Variants in ENTREP2 observed in about 807,000 individuals in gnomAD.
ENTREP2 encodes the protein protein ENTREP2.
chr15:29,593,149 G>C, the ENTREP2 span, among the ~76,000 whole-genome samples: 9 of 152,100 alleles, frequency 5.9e-5, no homozygotes, highest in Non-Finnish European at 1.5e-5. Context: ...CACTGCTCTA[G>C]AACTTTCCTT....
At chr15:29,528,526 C>A in the ENTREP2 span, among the ~76,000 whole-genome samples, 1 of 152,152 alleles carries the variant, frequency 6.6e-6, no homozygotes, top group South Asian at 2.1e-4. Context: ...GCCTTGTGCC[C>A]ACTTGAAAGA....
At chr15:29,547,996 T>C in the ENTREP2 span, among the ~76,000 whole-genome samples, 2 of 152,214 alleles carry the variant, frequency 1.3e-5, no homozygotes, top group African/African-American at 4.8e-5. Context: ...TACTGTATGA[T>C]TCCACTTCTA....
the ENTREP2 span, among the ~76,000 whole-genome samples, chr15:29,277,470 G>C: frequency 6.6e-6 from 1 of 152,194 alleles, no homozygotes; most frequent in Non-Finnish European, 1.5e-5. Context: ...CTAGGGACCA[G>C]TTTTGGGGAA....
At chr15:29,205,800 C>T in the ENTREP2 span, among the ~76,000 whole-genome samples, 4 of 152,324 alleles carry the variant, frequency 2.6e-5, no homozygotes, top group African/African-American at 9.6e-5. Flanking sequence ...GAACAGAAGT[C>T]AATTCAACTT....
the ENTREP2 span, among the ~76,000 whole-genome samples, chr15:29,517,163 G>C: frequency 1.3e-5 from 2 of 152,032 alleles, no homozygotes; most frequent in African/African-American, 2.4e-5. Flanking sequence ...GGGGAGCAGC[G>C]GAGAGCAAAT....
chr15:29,254,658 A>G, the ENTREP2 span, among the ~76,000 whole-genome samples: 10 of 152,278 alleles, frequency 6.6e-5, no homozygotes, highest in African/African-American at 1.9e-4. Flanking sequence ...GGAGTTCGAG[A>G]CCAGCCTGAC....
At chr15:29,137,054 T>A in the ENTREP2 span, 1 of 1,445,814 alleles carries the variant, frequency 6.9e-7, no homozygotes, top group Non-Finnish European at 9.0e-7. Context: ...CAGTGGACGG[T>A]GTGCAGGTGT....
chr15:29,429,218 CATCCATCCATCCATCT>C, the ENTREP2 span, among the ~76,000 whole-genome samples: 1 of 148,852 alleles, frequency 6.7e-6, no homozygotes, highest in Non-Finnish European at 1.5e-5. Context: ...TCCATCCATC[CATCCATCCATCCATCT>C]ATCTTGAGAT....
At chr15:29,649,143 G>A in the ENTREP2 span, among the ~76,000 whole-genome samples, 4 of 151,498 alleles carry the variant, frequency 2.6e-5, no homozygotes, top group Non-Finnish European at 5.9e-5. Context: ...TGGGACTGAA[G>A]GAATAGCTGA....
the ENTREP2 span, chr15:29,118,065 G>C: frequency 6.6e-6 from 1 of 152,616 alleles, no homozygotes; most frequent in Non-Finnish European, 1.5e-5. Flanking sequence ...AGCAGTAGTG[G>C]CATGTGTGTA....
chr15:29,343,556 T>TAA, the ENTREP2 span, among the ~76,000 whole-genome samples: 1 of 144,492 alleles, frequency 6.9e-6, no homozygotes, highest in Non-Finnish European at 1.5e-5. Flanking sequence ...TCCATTCCTT[T>TAA]AAAAAAAAAA....
chr15:29,260,695 C>T, the ENTREP2 span, among the ~76,000 whole-genome samples: 1 of 152,106 alleles, frequency 6.6e-6, no homozygotes, highest in Non-Finnish European at 1.5e-5. Context: ...GGTGGGGATA[C>T]AGACGAAATA....
the ENTREP2 span, chr15:29,120,917 C>G: frequency 2.0e-5 from 3 of 152,302 alleles, no homozygotes; most frequent in African/African-American, 7.2e-5. Context: ...CAGCACATTC[C>G]CTAGTCTACC....
At chr15:29,551,004 C>T in the ENTREP2 span, among the ~76,000 whole-genome samples, 6,582 of 152,192 alleles carry the variant, frequency 0.043, 488 homozygotes, top group African/African-American at 0.15. Flanking sequence ...ATCCACCCTG[C>T]CATGTTTCCT....
At chr15:29,155,578 G>A in the ENTREP2 span, among the ~76,000 whole-genome samples, 7 of 152,130 alleles carry the variant, frequency 4.6e-5, no homozygotes, top group East Asian at 1.9e-4. Context: ...CTCTGCCCTC[G>A]ATGGTGCTCT....
the ENTREP2 span, among the ~76,000 whole-genome samples, chr15:29,253,876 C>G: frequency 6.6e-5 from 10 of 152,190 alleles, no homozygotes; most frequent in Middle Eastern, 3.4e-3. Flanking sequence ...TATAGAGACA[C>G]AGACTTTTCC....
chr15:29,622,542 A>G, the ENTREP2 span, among the ~76,000 whole-genome samples: 10,835 of 152,178 alleles, frequency 0.071, 463 homozygotes, highest in East Asian at 0.16. Flanking sequence ...GTTTTTCACC[A>G]TAACTTTTAT....
At chr15:29,134,734 A>G in the ENTREP2 span, among the ~76,000 whole-genome samples, 1 of 152,054 alleles carries the variant, frequency 6.6e-6, no homozygotes, top group Admixed American at 6.6e-5. Context: ...CTGCTCCTCC[A>G]CCCACAGAAG....
the ENTREP2 span, among the ~76,000 whole-genome samples, chr15:29,224,032 C>A: frequency 6.6e-6 from 1 of 152,192 alleles, no homozygotes; most frequent in Admixed American, 6.5e-5. Context: ...ACTTCCAGAA[C>A]GAAGCCGTGG....
Sources: gnomAD v4.1 joint callset for allele counts (sites outside exome capture counted in the v4.1 genomes callset) on GRCh38, gnomAD v4.1.1 for gene constraint, MANE v1.5 for transcripts, NCBI Gene and HGNC (gene_info 2026-07-23, HGNC 2026-07-21) for gene names.